The following TNIP2 variants were observed in gnomAD, a reference collection of about 807,000 sequenced individuals.
TNIP2 encodes the protein TNFAIP3-interacting protein 2.
Under a neutral mutation model 43.7 loss-of-function variants are expected in TNIP2, and 30 were observed. That is an observed-to-expected ratio of 0.69 (90% confidence interval 0.51 to 0.93). TNIP2 has a LOEUF of 0.93. Ranked by LOEUF, TNIP2 falls within the 40% of genes least tolerant of loss-of-function variation. The pLI is 0.00. For synonymous variants in TNIP2, 260 were observed against 254.6 expected (o/e 1.02, Z -0.20); for missense variants, 599 against 591.0 (o/e 1.01, Z -0.14).
Position 2,747,712 on chromosome 4 carries a change from C to T in TNIP2, c.510G>A (p.Lys170=). 6.2e-7 allele frequency: 1 copy of T among 1,604,874 alleles called. No individual in the cohort carries two copies. Among genetic ancestry groups the T allele is most frequent in the Non-Finnish European group, 8.5e-7 (1 of 1,179,962 alleles). Residue 170 remains lysine (K), a synonymous_variant, in exon 2 of 6, where the codon AAG becomes AAA. Coordinates refer to ENST00000315423, the MANE Select transcript of TNIP2 (RefSeq NM_024309.4). ...ATAHMCQHLA[K]CLDERQHAQR... is the part of the protein sequence containing the mutation. Reference sequence around the variant, plus strand: ...GTGCATGCTGTCGTTCATCCAGACACTTGGCCAGATGCTGACACATGTGGG... The same window carrying T: ...GTGCATGCTGTCGTTCATCCAGACATTTGGCCAGATGCTGACACATGTGGG...
chr4:2,751,635 T>C (rs895585297), intron 1 of TNIP2, among the ~76,000 whole-genome samples: 23 of 151,792 alleles, frequency 1.5e-4, no homozygotes, highest in African/African-American at 5.3e-4. Flanking sequence ...TAGCCAGGCA[T>C]GGTGGTGGGC....
Position 2,747,904 on chromosome 4 carries a change from C to A in TNIP2, c.318G>T (p.Arg106Ser). 1 of 1,613,554 alleles carries A rather than the reference C, an allele frequency of 6.2e-7. No individual in the cohort carries two copies. The highest frequency in any genetic ancestry group is 8.5e-7 in the Non-Finnish European group (1 of 1,180,022). ...GCTGGCTCAGCAGCTGCTGCATCTC[C>A]CTCTCTTTTTCTTCTAGTCGCTCAG... ...RLTERLEEKE[R>S]EMQQLLSQPQ... The change falls in exon 2 of 6, where the codon AGG (arginine) becomes AGT (serine). Residue 106 changes from arginine to serine, a missense_variant. Physicochemically the swap from Arg to Ser is moderately radical, Grantham distance 110. Transcript: ENST00000315423.
intron 2 of TNIP2, among the ~76,000 whole-genome samples, chr4:2,746,569 G>A (rs1721952963): frequency 6.6e-6 from 1 of 152,250 alleles, no homozygotes; most frequent in Non-Finnish European, 1.5e-5. Flanking sequence ...CCCAGCTGAG[G>A]TGGGCAGTTC....
chr4:2,755,958 G>A, intron 1 of TNIP2, 56 bp downstream of exon 1: 1 of 1,470,626 alleles, frequency 6.8e-7, no homozygotes, highest in Admixed American at 2.4e-5. Flanking sequence ...CCCAGGACCC[G>A]GCGGCCGCCA....
rs1411779532 is a variant in TNIP2, at chr4:2,756,291, G to A, written c.-2C>T. On this transcript the variant is annotated 5_prime_UTR_variant, in exon 1 of 6. Coordinates refer to ENST00000315423, the MANE Select transcript of TNIP2 (RefSeq NM_024309.4). ...GCCCGACCCCGGGTCCCGGGACATG[G>A]CTGTAGGCCCGCCCGGGAGGCCGCG... The A allele has an allele frequency of 6.3e-6, 8 of 1,263,404 alleles. No individual in the cohort carries two copies. In the Admixed American group the frequency reaches 1.3e-4, roughly 20 times the overall value. 78.3% of individuals were successfully genotyped at this position (1,263,404 alleles called of 1,614,324 possible). A position where few individuals can be genotyped will look rare whatever the true frequency, so the allele number is the denominator to read the frequency against.
chr4:2,752,087 G>C (rs1426465790), intron 1 of TNIP2, among the ~76,000 whole-genome samples: 27 of 144,130 alleles, frequency 1.9e-4, no homozygotes, highest in Non-Finnish European at 4.0e-4. Context: ...CCTGGCGACA[G>C]AGCAAGACTC....
At chr4:2,746,443 AAATGACAC>A (rs1721950163) in intron 2 of TNIP2, among the ~76,000 whole-genome samples, 1 of 151,938 alleles carries the variant, frequency 6.6e-6, no homozygotes, top group Admixed American at 6.6e-5. Context: ...CCCCAGAGGG[AAATGACAC>A]AGTGACTCAA....
chr4:2,746,527 T>G (rs1037304300), intron 2 of TNIP2, among the ~76,000 whole-genome samples: 1 of 152,230 alleles, frequency 6.6e-6, no homozygotes, highest in African/African-American at 2.4e-5. Context: ...AATGCAGCTG[T>G]GTCCTCTCTG....
rs1174031186 is a variant in TNIP2 at position 2,744,827 on chromosome 4, T to G, written c.776A>C (p.Lys259Thr). Residue 259 changes from lysine (K) to threonine (T), a missense_variant, in exon 4 of 6, where the codon AAG becomes ACG. Coordinates refer to ENST00000315423, the MANE Select transcript of TNIP2 (RefSeq NM_024309.4). This position sits in a 1 kb window ranked among gnomAD's most constrained non-coding sequence, Gnocchi z 5.1. ...CTGTCTGTTGAGCCGGGAGATCTCCTTCCTCATCAGCTCGGGCTCGTGGGG... is the reference window on the plus strand; with the variant it reads ...CTGTCTGTTGAGCCGGGAGATCTCCGTCCTCATCAGCTCGGGCTCGTGGGG... The part of the protein sequence containing the change: ...QIPHEPELMR[K>T]EISRLNRQLE... 21 of 1,613,690 alleles carry G rather than the reference T, an allele frequency of 1.3e-5. No homozygotes were observed. Among genetic ancestry groups the G allele is most frequent in the Non-Finnish European group, 1.6e-5 (19 of 1,179,998 alleles).
chr4:2,752,033 A>G (rs1722115215), intron 1 of TNIP2, among the ~76,000 whole-genome samples: 1 of 147,150 alleles, frequency 6.8e-6, no homozygotes, highest in Non-Finnish European at 1.5e-5. Flanking sequence ...TGAACCCGGG[A>G]GGTGGAGGTT....
Position 2,742,181 on chromosome 4 carries a change from A to G in TNIP2, c.*76T>C, listed in dbSNP as rs183471727. ...CTCTCAGTAGAGCTCAACCCATGGCATCTGAGAGCACCCACCCTGTCCCTG... is the reference window on the plus strand; with the variant it reads ...CTCTCAGTAGAGCTCAACCCATGGCGTCTGAGAGCACCCACCCTGTCCCTG... On this transcript the variant is annotated 3_prime_UTR_variant, in exon 6 of 6. Coordinates refer to ENST00000315423, the MANE Select transcript of TNIP2 (RefSeq NM_024309.4). The G allele has an allele frequency of 2.5e-3, 3,378 of 1,345,144 alleles. 12 individuals are homozygous for G. The highest frequency in any genetic ancestry group is 2.6e-3 in the Non-Finnish European group (2,674 of 1,030,710). 83.3% of individuals were successfully genotyped at this position (1,345,144 alleles called of 1,614,324 possible).
intron 1 of TNIP2, among the ~76,000 whole-genome samples, chr4:2,753,093 T>TA (rs1313350173): frequency 2.0e-5 from 3 of 151,654 alleles, no homozygotes; most frequent in South Asian, 4.2e-4. Context: ...AAAATAAAAA[T>TA]AAAAAAACAA....
chr4:2,745,343 C>G, intron 3 of TNIP2, 103 bp downstream of exon 3: 1 of 872,724 alleles, frequency 1.1e-6, no homozygotes, highest in East Asian at 2.6e-5. Context: ...GTCCTAGTGG[C>G]CAGAGGGCGG....
chr4:2,747,449 C>G (rs1383353846), intron 2 of TNIP2: 3 of 599,320 alleles, frequency 5.0e-6, no homozygotes, highest in African/African-American at 3.7e-5. Context: ...AGTGAGGTGG[C>G]TGCCTGCTTT....
intron 1 of TNIP2, among the ~76,000 whole-genome samples, chr4:2,748,794 A>ATTTTTTTT (rs59776048): frequency 7.1e-6 from 1 of 140,802 alleles, no homozygotes; most frequent in Middle Eastern, 3.4e-3. Flanking sequence ...GCGCCCAGCA[A>ATTTTTTTT]TTTTTTTTTT....
At chr4:2,748,243 T>G (rs549578206) in intron 1 of TNIP2, among the ~76,000 whole-genome samples, 1 of 152,246 alleles carries the variant, frequency 6.6e-6, no homozygotes, top group African/African-American at 2.4e-5. Flanking sequence ...TGGCACAATC[T>G]TGGCTCGCTG....
At chr4:2,755,935 G>A (rs1198741535) in intron 1 of TNIP2, 79 bp downstream of exon 1, 7 of 1,405,422 alleles carry the variant, frequency 5.0e-6, no homozygotes, top group Non-Finnish European at 4.6e-6. Context: ...CCCGGGGCCC[G>A]CTCGCTCACC....
At chr4:2,754,830 A>G (rs989757283) in intron 1 of TNIP2, among the ~76,000 whole-genome samples, 1 of 152,162 alleles carries the variant, frequency 6.6e-6, no homozygotes, top group African/African-American at 2.4e-5. Context: ...GGCTCAAGTG[A>G]TCCTCCCACC....
At position 2,742,342 on chromosome 4, in the gene TNIP2, TC is replaced by T; in HGVS notation, c.1204del (p.Asp402ThrfsTer58). The T allele has an allele frequency of 6.4e-7, 1 of 1,574,790 alleles. No homozygotes were observed. The highest frequency in any genetic ancestry group is 2.3e-5 in the East Asian group (1 of 43,218). ...HPGAAQRGQG[D>X]LQCPHCLQCF... ...CTGCAGGCAGTGAGGGCACTGAAGGTCCCCCTGGCCTCTCTGGGCCGCGCCA... is the reference window on the plus strand; with the variant it reads ...CTGCAGGCAGTGAGGGCACTGAAGGTCCCCTGGCCTCTCTGGGCCGCGCCA... On this transcript the variant is annotated frameshift_variant, in exon 6 of 6. Transcript: ENST00000315423. LOFTEE classifies it high-confidence loss of function.
Sources: gnomAD v4.1 joint callset for allele counts (sites outside exome capture counted in the v4.1 genomes callset) on GRCh38, gnomAD v4.1.1 for gene constraint, Gnocchi (gnomAD v3.1) non-coding constraint, MANE v1.5 for transcripts, NCBI Gene and HGNC (gene_info 2026-07-23, HGNC 2026-07-21) for gene names.